SHISA9: variants seen among roughly 807,000 people sequenced by gnomAD.
SHISA9 encodes protein shisa-9.
In SHISA9, 13 loss-of-function variants were observed where a neutral mutation model predicts 38.0. The ratio of observed to expected loss-of-function variants is 0.34; its 90% confidence interval spans 0.22 to 0.54. The LOEUF (loss-of-function observed/expected upper bound fraction) is 0.54. Among genes scored for constraint, SHISA9 ranks in the 20% least tolerant of loss-of-function variants. SHISA9 has a pLI of 0.91. For missense variants in SHISA9, 538 were observed against 575.8 expected (o/e 0.93, Z 0.67); for synonymous variants, 275 against 242.0 (o/e 1.14, Z -1.27).
At chr16:13,404,110 T>C in the SHISA9 span, among the ~76,000 whole-genome samples, 2 of 152,196 alleles carry the variant, frequency 1.3e-5, no homozygotes. Flanking sequence ...TATTTTGTTA[T>C]TTCTCTATTA....
the SHISA9 span, among the ~76,000 whole-genome samples, chr16:13,419,499 T>G: frequency 6.6e-6 from 1 of 152,270 alleles, no homozygotes; most frequent in Non-Finnish European, 1.5e-5. Flanking sequence ...ATTTTTAGTT[T>G]TTAAACCTTA....
the SHISA9 span, among the ~76,000 whole-genome samples, chr16:13,391,558 G>T: frequency 6.6e-6 from 1 of 152,196 alleles, no homozygotes; most frequent in Admixed American, 6.5e-5. Context: ...AGATGGCTGG[G>T]TTCGGGGGGA....
intron 2 of SHISA9, among the ~76,000 whole-genome samples, chr16:13,098,654 C>T (rs892851575): frequency 7.2e-5 from 11 of 152,224 alleles, no homozygotes; most frequent in Admixed American, 3.9e-4. Context: ...CTGGAGGCTG[C>T]AGGAGGCAGG....
intron 2 of SHISA9, among the ~76,000 whole-genome samples, chr16:13,079,547 C>CA (rs1315309206): frequency 6.6e-6 from 1 of 152,130 alleles, no homozygotes. Flanking sequence ...TTTCCCACCC[C>CA]AAAAAAGTGC....
At chr16:13,067,756 G>T (rs961012906) in intron 2 of SHISA9, among the ~76,000 whole-genome samples, 1 of 152,200 alleles carries the variant, frequency 6.6e-6, no homozygotes, top group Non-Finnish European at 1.5e-5. Context: ...CAGTCCGCCT[G>T]CACCTGCTGT....
chr16:13,155,634 G>A (rs2050538109), intron 2 of SHISA9, among the ~76,000 whole-genome samples: 1 of 152,060 alleles, frequency 6.6e-6, no homozygotes, highest in African/African-American at 2.4e-5. Context: ...ATGCACATAT[G>A]GTGGGGGTAG....
the SHISA9 span, among the ~76,000 whole-genome samples, chr16:13,526,962 C>T: frequency 6.9e-6 from 1 of 145,608 alleles, no homozygotes; most frequent in Non-Finnish European, 1.5e-5. Context: ...GACAAACAAG[C>T]ACCAATTTTA....
At chr16:12,989,009 G>A (rs1851324943) in intron 2 of SHISA9, among the ~76,000 whole-genome samples, 1 of 152,060 alleles carries the variant, frequency 6.6e-6, no homozygotes, top group Non-Finnish European at 1.5e-5. Flanking sequence ...TCTGTGTTTT[G>A]TAGATGGAGC....
chr16:12,906,738 T>A (rs1025280204), intron 1 of SHISA9, among the ~76,000 whole-genome samples: 2 of 152,214 alleles, frequency 1.3e-5, no homozygotes, highest in African/African-American at 2.4e-5. Context: ...ATATCCTTTA[T>A]CTAGATGAGG....
the SHISA9 span, among the ~76,000 whole-genome samples, chr16:13,530,363 A>T: frequency 1.1e-4 from 16 of 152,198 alleles, no homozygotes; most frequent in African/African-American, 3.9e-4. Context: ...TAGGGAGATT[A>T]CTTGATCTCC....
At chr16:13,561,024 C>T in the SHISA9 span, among the ~76,000 whole-genome samples, 3 of 152,022 alleles carry the variant, frequency 2.0e-5, no homozygotes, top group Admixed American at 6.5e-5. Flanking sequence ...ACACCACTCC[C>T]GGCTAATTTT....
chr16:13,554,511 T>C, the SHISA9 span, among the ~76,000 whole-genome samples: 2 of 143,664 alleles, frequency 1.4e-5, no homozygotes, highest in African/African-American at 5.1e-5. Flanking sequence ...TCTTTTCTTC[T>C]CTTTCTTTTT....
chr16:12,905,785 G>C (rs913050569), intron 1 of SHISA9, among the ~76,000 whole-genome samples: 1 of 151,996 alleles, frequency 6.6e-6, no homozygotes, highest in African/African-American at 2.4e-5. Context: ...GTAGAGACAG[G>C]GTTCCACCTG....
At position 13,235,526 on chromosome 16, in the gene SHISA9, C is replaced by G. The variant is rs999963878; in HGVS notation, c.*117C>G. 8.0e-7 allele frequency: 1 copy of G among 1,256,056 alleles called. No homozygotes were observed. The highest frequency in any genetic ancestry group is 2.6e-5 in the East Asian group (1 of 39,112). The allele number at this position is 1,256,056 out of a possible 1,614,324, so 77.8% of individuals were successfully genotyped here. On this transcript the variant is annotated 3_prime_UTR_variant, in exon 5 of 5. Coordinates refer to ENST00000558583, the MANE Select transcript of SHISA9 (RefSeq NM_001145204.3). ...CATGCGTCCACACACTCACTCTCAA[C>G]AAGAACCAACTCTAAACCTACTGGG...
the SHISA9 span, among the ~76,000 whole-genome samples, chr16:13,281,389 A>G: frequency 6.6e-6 from 1 of 151,650 alleles, no homozygotes; most frequent in Non-Finnish European, 1.5e-5. Context: ...TTTAATCTCA[A>G]TCTTTCTGTA....
At chr16:13,250,217 C>A in the SHISA9 span, among the ~76,000 whole-genome samples, 4 of 152,190 alleles carry the variant, frequency 2.6e-5, no homozygotes, top group Non-Finnish European at 5.9e-5. Flanking sequence ...TGGACCCAGA[C>A]CCTCAGGTGT....
In SHISA9 at chr16:13,238,683, T is replaced by A. The variant is rs2142093977; in HGVS notation, c.*3274T>A. The A allele has an allele frequency of 6.6e-6, 1 of 152,192 alleles. No homozygotes were observed. The highest frequency in any genetic ancestry group is 1.9e-4 in the East Asian group (1 of 5,180). 9.4% of individuals were successfully genotyped at this position (152,192 alleles called of 1,614,324 possible). ...GACACGTACTTTCCAAGTAGTCCTGTCTAGGATGGAAAGCTCAGGAAGTGC... is the reference window on the plus strand; with the variant it reads ...GACACGTACTTTCCAAGTAGTCCTGACTAGGATGGAAAGCTCAGGAAGTGC... On this transcript the variant is annotated 3_prime_UTR_variant, in exon 5 of 5. Transcript: ENST00000558583.
intron 2 of SHISA9, among the ~76,000 whole-genome samples, chr16:13,125,858 A>G (rs1325698534): frequency 2.6e-5 from 4 of 152,220 alleles, no homozygotes; most frequent in Non-Finnish European, 4.4e-5. Context: ...TGATTCACAC[A>G]AATATTGAGC....
intron 2 of SHISA9, among the ~76,000 whole-genome samples, chr16:13,001,015 C>T (rs955867370): frequency 3.9e-5 from 6 of 152,146 alleles, no homozygotes; most frequent in East Asian, 1.9e-4. Flanking sequence ...GCCAACTCCG[C>T]GTCCCAGGTT....
Sources: allele counts gnomAD v4.1 joint callset (sites outside exome capture counted in the v4.1 genomes callset), GRCh38; gene constraint gnomAD v4.1.1; transcripts MANE v1.5; gene names NCBI Gene and HGNC (gene_info 2026-07-23, HGNC 2026-07-21).